Variants in GLIS3 observed in about 807,000 individuals in gnomAD.
GLIS3 encodes GLIS family zinc finger 3, also known as zinc finger protein GLIS3.
GLIS3 carries 53 observed loss-of-function variants against 78.6 expected under a neutral mutation model. The ratio of observed to expected loss-of-function variants is 0.67; its 90% CI spans 0.54 to 0.85. The LOEUF (loss-of-function observed/expected upper bound fraction) is 0.85, where lower values mean the gene tolerates loss of function less well. Ranked by LOEUF, GLIS3 falls within the 40% of genes least tolerant of loss-of-function variation. GLIS3 has a pLI of 0.00. For missense variants in GLIS3, 1,703 were observed against 1,231.1 expected (o/e 1.38, Z -5.74); for synonymous variants, 684 against 509.9 (o/e 1.34, Z -4.60).
In GLIS3 at chr9:3,824,661, A is replaced by G. The variant is rs1362445118; in HGVS notation, c.*3611T>C. ...CTAATTCTTTAAAAGATTTATGACA[A>G]TAAGCACCAGATGTGCCTCTAGAGT... On this transcript the variant is annotated 3_prime_UTR_variant, in exon 11 of 11. Transcript: ENST00000381971. 4.6e-5 allele frequency: 7 copies of G among 152,668 alleles called. No homozygotes were observed. Among genetic ancestry groups the G allele is most frequent in the South Asian group, 4.1e-4 (2 of 4,836 alleles). 9.5% of individuals were successfully genotyped at this position (152,668 alleles called of 1,614,324 possible).
chr9:4,470,642 A>G, the GLIS3 span, among the ~76,000 whole-genome samples: 1 of 152,100 alleles, frequency 6.6e-6, no homozygotes, highest in African/African-American at 2.4e-5. Context: ...CCCACAGCCA[A>G]TATCATACTG....
At chr9:4,205,208 C>T (rs958478153) in intron 2 of GLIS3, among the ~76,000 whole-genome samples, 1 of 148,804 alleles carries the variant, frequency 6.7e-6, no homozygotes, top group African/African-American at 2.5e-5. Flanking sequence ...TCAGTTATGA[C>T]TATTTCAAGA....
chr9:4,209,973 A>G (rs901762673), intron 2 of GLIS3, among the ~76,000 whole-genome samples: 1 of 152,196 alleles, frequency 6.6e-6, no homozygotes, highest in Non-Finnish European at 1.5e-5. Context: ...TTTTCCATCA[A>G]TATCAGTCTA....
At chr9:4,408,980 C>T in the GLIS3 span, among the ~76,000 whole-genome samples, 1 of 151,510 alleles carries the variant, frequency 6.6e-6, no homozygotes, top group Non-Finnish European at 1.5e-5. Context: ...ACTATGTACC[C>T]ACAAAAAATA....
chr9:4,048,790 A>C (rs373053095), intron 4 of GLIS3, among the ~76,000 whole-genome samples: 62 of 152,262 alleles, frequency 4.1e-4, no homozygotes, highest in African/African-American at 1.4e-3. Flanking sequence ...TAGCCTATGC[A>C]CCTGTTAGGA....
intron 6 of GLIS3, among the ~76,000 whole-genome samples, chr9:3,900,670 C>CA (rs1554643076): frequency 1.3e-5 from 2 of 152,080 alleles, no homozygotes; most frequent in East Asian, 1.9e-4. Flanking sequence ...AAGCAAAACT[C>CA]AAAGTTTTAT....
intron 2 of GLIS3, among the ~76,000 whole-genome samples, chr9:4,191,306 C>T (rs1818313569): frequency 6.6e-6 from 1 of 152,156 alleles, no homozygotes; most frequent in South Asian, 2.1e-4. Context: ...CTTAGTGATA[C>T]ACAAAATAAC....
rs559323592 is a variant in GLIS3 at position 3,906,058 on chromosome 9, T to C, written c.1984-7223A>G. ...ACCGAGGAAACAAACTGATGGGTTCTGAAAACAGTCATTGGAGAGGAGTGA... is the reference window on the plus strand; with the variant it reads ...ACCGAGGAAACAAACTGATGGGTTCCGAAAACAGTCATTGGAGAGGAGTGA... On this transcript the variant is annotated intron_variant, in intron 6 of 10. Coordinates refer to ENST00000381971, the MANE Select transcript of GLIS3 (RefSeq NM_001042413.2). Among the ~76,000 whole-genome samples the C allele has an allele frequency of 5.9e-5, 9 of 152,328 alleles. No individual in the cohort carries two copies. In the South Asian group the frequency reaches 6.2e-4, roughly 11 times the overall value.
chr9:3,879,534 G>A lies in GLIS3; in HGVS notation c.2190C>T (p.Pro730=), dbSNP rs772656744. Residue 730 remains proline, a synonymous_variant, in exon 8 of 11, where the codon CCC becomes CCT. Coordinates refer to ENST00000381971, the MANE Select transcript of GLIS3 (RefSeq NM_001042413.2). ...GAGAAGGGTGACTGACAGGATGTGG[G>A]GGTGGTACGGCCCCAGCAGCTGTTC... is the stretch of plus-strand genomic sequence containing the variant. The part of the protein sequence containing the change: ...RSGTAAGAVP[P]PHPVSHPSPG... 6.2e-7 allele frequency: 1 copy of A among 1,614,080 alleles called. No homozygotes were observed. The highest frequency in any genetic ancestry group is 1.7e-5 in the Admixed American group (1 of 60,010).
chr9:4,149,969 G>C (rs1048715411), intron 2 of GLIS3, among the ~76,000 whole-genome samples: 1 of 152,198 alleles, frequency 6.6e-6, no homozygotes, highest in Non-Finnish European at 1.5e-5. Context: ...GAAGAGTCTT[G>C]AATGCGCACA....
chr9:4,312,502 C>G (rs1817379870), intron 2 of GLIS3, among the ~76,000 whole-genome samples: 1 of 152,236 alleles, frequency 6.6e-6, no homozygotes, highest in Non-Finnish European at 1.5e-5. Flanking sequence ...TACACATAAA[C>G]AGGCACCCAT....
At chr9:3,863,922 G>A (rs1034274235) in intron 8 of GLIS3, among the ~76,000 whole-genome samples, 2 of 152,134 alleles carry the variant, frequency 1.3e-5, no homozygotes, top group Non-Finnish European at 2.9e-5. Flanking sequence ...AGAACGTCTC[G>A]GGTATGTCAG....
chr9:4,028,418 C>A (rs1211003738), intron 4 of GLIS3, among the ~76,000 whole-genome samples: 1 of 152,074 alleles, frequency 6.6e-6, no homozygotes, highest in Non-Finnish European at 1.5e-5. Context: ...AATCACGCAG[C>A]CTTTATATTA....
At chr9:4,298,405 T>C (rs776503853) in intron 1 of GLIS3, 7 of 456,210 alleles carry the variant, frequency 1.5e-5, no homozygotes, top group Admixed American at 2.4e-5. Context: ...ATCCATAGGA[T>C]GACAAATCAG....
At chr9:4,476,482 C>T in the GLIS3 span, among the ~76,000 whole-genome samples, 3 of 152,132 alleles carry the variant, frequency 2.0e-5, no homozygotes, top group Non-Finnish European at 2.9e-5. Context: ...CTGCCTCAGC[C>T]TCCCAAGTAG....
chr9:4,237,535 G>C (rs1822881316), intron 2 of GLIS3, among the ~76,000 whole-genome samples: 1 of 152,152 alleles, frequency 6.6e-6, no homozygotes, highest in African/African-American at 2.4e-5. Context: ...TCTACAAATG[G>C]CATCATTATC....
chr9:4,162,681 C>T (rs917428322), intron 2 of GLIS3, among the ~76,000 whole-genome samples: 1 of 151,706 alleles, frequency 6.6e-6, no homozygotes, highest in East Asian at 1.9e-4. Context: ...ACGGTGAAAT[C>T]CCATCTCTAT....
intron 4 of GLIS3, among the ~76,000 whole-genome samples, chr9:4,098,765 C>A (rs948865674): frequency 1.3e-5 from 2 of 152,114 alleles, no homozygotes; most frequent in Non-Finnish European, 2.9e-5. Flanking sequence ...CCAAGGATCA[C>A]GATTTAAATA....
the GLIS3 span, among the ~76,000 whole-genome samples, chr9:4,450,813 C>T: frequency 6.6e-6 from 1 of 152,162 alleles, no homozygotes. Flanking sequence ...GATTTTGTCA[C>T]CACCAGGCCT....
Sources: gnomAD v4.1 joint callset for allele counts (sites outside exome capture counted in the v4.1 genomes callset) on GRCh38, gnomAD v4.1.1 for gene constraint, MANE v1.5 for transcripts, NCBI Gene and HGNC (gene_info 2026-07-23, HGNC 2026-07-21) for gene names.